ANO1: variants seen among roughly 807,000 people sequenced by gnomAD.
ANO1 encodes anoctamin-1.
In ANO1, 59 loss-of-function variants were observed where a neutral mutation model predicts 124.0. The ratio of observed to expected loss-of-function variants is 0.48; its 90% CI spans 0.39 to 0.59. The LOEUF (loss-of-function observed/expected upper bound fraction) is 0.59, where lower values mean the gene tolerates loss of function less well. Among genes scored for constraint, ANO1 ranks in the 20% least tolerant of loss-of-function variants. ANO1 has a pLI of 0.00. For missense variants in ANO1, 1,059 were observed against 1,328.0 expected, an observed-to-expected ratio of 0.80 and a Z score of 3.15; for synonymous variants, 529 against 532.0, an observed-to-expected ratio of 0.99 and a Z score of 0.08.
intron 1 of ANO1, among the ~76,000 whole-genome samples, chr11:70,009,472 G>A (rs1856551554): frequency 1.3e-5 from 2 of 152,202 alleles, no homozygotes. Context: ...CTGGACCTGA[G>A]TTCTCCATCC....
intron 1 of ANO1, among the ~76,000 whole-genome samples, chr11:70,038,026 C>A (rs1857122861): frequency 6.6e-6 from 1 of 152,108 alleles, no homozygotes; most frequent in African/African-American, 2.4e-5. Flanking sequence ...GTGGCTCATG[C>A]CTGTAATTCC....
At chr11:70,142,784 C>T (rs552101719) in intron 11 of ANO1, among the ~76,000 whole-genome samples, 2 of 152,320 alleles carry the variant, frequency 1.3e-5, no homozygotes, top group African/African-American at 2.4e-5. Flanking sequence ...ATTTGGCCCA[C>T]GCCTTGGCTT....
chr11:70,180,069 A>C lies in ANO1; in HGVS notation c.2403+13A>C. On this transcript the variant is annotated intron_variant, in intron 23 of 25. Transcript: ENST00000355303. ...TGTCATCATCAATGTAAGTGACATC[A>C]GGGACCTTGGCAGAATGGAAGTCCC... 1 of 1,610,660 alleles carries C rather than the reference A, an allele frequency of 6.2e-7. No homozygotes were observed. Among genetic ancestry groups the C allele is most frequent in the East Asian group, 2.2e-5 (1 of 44,850 alleles).
intron 1 of ANO1, among the ~76,000 whole-genome samples, chr11:70,072,136 G>A (rs1555009395): frequency 6.6e-6 from 1 of 152,188 alleles, no homozygotes; most frequent in Non-Finnish European, 1.5e-5. Flanking sequence ...GCCAAACCCA[G>A]AGGGCCTTGA....
intron 1 of ANO1, among the ~76,000 whole-genome samples, chr11:69,995,122 T>G (rs575592510): frequency 2.5e-4 from 37 of 148,724 alleles, no homozygotes; most frequent in African/African-American, 8.0e-4. Flanking sequence ...TTTTTTGAGA[T>G]GGAATCTTGC....
At chr11:70,183,345 G>C (rs1246497735) in intron 24 of ANO1, among the ~76,000 whole-genome samples, 1 of 152,224 alleles carries the variant, frequency 6.6e-6, no homozygotes, top group Non-Finnish European at 1.5e-5. Flanking sequence ...TGCAGCCCCT[G>C]TGGGAAGACC....
At chr11:70,028,837 A>G (rs1375215894) in intron 1 of ANO1, among the ~76,000 whole-genome samples, 2 of 152,108 alleles carry the variant, frequency 1.3e-5, no homozygotes, top group African/African-American at 4.8e-5. Context: ...GCTAGAGTGC[A>G]ATGGTACGAC....
intron 1 of ANO1, among the ~76,000 whole-genome samples, chr11:70,032,752 CT>C (rs2135034397): frequency 6.6e-6 from 1 of 152,152 alleles, no homozygotes; most frequent in South Asian, 2.1e-4. Flanking sequence ...GGAGAGCTGC[CT>C]TTTTTGTCTT....
intron 8 of ANO1, among the ~76,000 whole-genome samples, chr11:70,118,260 T>C (rs983967296): frequency 7.9e-5 from 12 of 151,944 alleles, no homozygotes; most frequent in Admixed American, 2.6e-4. Flanking sequence ...CAGGATTGCT[T>C]GGCTGATGGT....
intron 1 of ANO1, among the ~76,000 whole-genome samples, chr11:70,056,773 G>C (rs1325984582): frequency 6.7e-6 from 1 of 149,734 alleles, no homozygotes; most frequent in African/African-American, 2.5e-5. Flanking sequence ...ACTGCACATA[G>C]GTTAGGTATG....
chr11:70,016,449 G>A (rs1856705543), intron 1 of ANO1: 1 of 152,262 alleles, frequency 6.6e-6, no homozygotes, highest in Non-Finnish European at 1.5e-5. Flanking sequence ...ACCTGGATCT[G>A]GAAGTGAAGA....
chr11:70,182,611 T>C lies in ANO1; in HGVS notation c.2513T>C (p.Phe838Ser). The change falls in exon 24 of 26, where the codon TTC (phenylalanine) becomes TCC (serine). Residue 838 changes from phenylalanine to serine, a missense_variant. Transcript: ENST00000355303. Reference protein sequence around the residue: ...HGFVNHTLSSFNVSDFQNGTA... With the variant: ...HGFVNHTLSSSNVSDFQNGTA... ...TTCGTCAACCACACCCTCTCCTCCT[T>C]CAACGTCAGTGACTTCCAGAACGGC... is the stretch of plus-strand genomic sequence containing the variant. The C allele has an allele frequency of 1.2e-6, 2 of 1,613,660 alleles. No homozygotes were observed. The highest frequency in any genetic ancestry group is 1.7e-6 in the Non-Finnish European group (2 of 1,179,756).
At chr11:70,101,324 G>C (rs892736062) in intron 2 of ANO1, among the ~76,000 whole-genome samples, 1 of 151,466 alleles carries the variant, frequency 6.6e-6, no homozygotes, top group African/African-American at 2.4e-5. Flanking sequence ...GGGAGGCCGA[G>C]GCAGGCAGAT....
At chr11:70,161,438 G>C (rs2048040709) in intron 17 of ANO1, 76 bp downstream of exon 17, 1 of 1,528,892 alleles carries the variant, frequency 6.5e-7, no homozygotes, top group South Asian at 1.1e-5. Context: ...GTGCATCCTT[G>C]AGTTTGTTGC....
intron 24 of ANO1, among the ~76,000 whole-genome samples, chr11:70,184,377 G>A (rs1265674104): frequency 6.6e-6 from 1 of 152,172 alleles, no homozygotes; most frequent in Non-Finnish European, 1.5e-5. Context: ...GGTCATGAAT[G>A]GGGCAAGCCT....
At position 70,139,385 on chromosome 11, in the gene ANO1, G is replaced by A. The variant is rs186374917; in HGVS notation, c.1258+7306G>A. On this transcript the variant is annotated intron_variant, in intron 11 of 25. Coordinates refer to ENST00000355303, the MANE Select transcript of ANO1 (RefSeq NM_018043.7). ...GTTGTCCAGGCTGGAGTGCAGTGGC[G>A]CGATCTCAGCTCACTACATCCTCTG... is the stretch of plus-strand genomic sequence containing the variant. Among the ~76,000 whole-genome samples the A allele has an allele frequency of 7.5e-3, 1,130 of 151,194 alleles. 20 individuals carry two copies. The highest frequency in any genetic ancestry group is 0.026 in the African/African-American group (1,085 of 41,150).
intron 1 of ANO1, among the ~76,000 whole-genome samples, chr11:70,053,409 G>T (rs1857385144): frequency 6.6e-6 from 1 of 152,204 alleles, no homozygotes; most frequent in South Asian, 2.1e-4. Flanking sequence ...ATTTGTTGTA[G>T]GTTTAGTCAT....
At position 70,070,674 on chromosome 11, in the gene ANO1, T is replaced by C. The variant is rs1461122186; in HGVS notation, c.59-7868T>C. On this transcript the variant is annotated intron_variant, in intron 1 of 27. Coordinates refer to the ANO1 transcript ENST00000531349. ...CTGGGCGACAGAGTGAAACTCCAAG[T>C]GAATAAATGAATTGTGAGTGCATGG... is the stretch of plus-strand genomic sequence containing the variant. Among the ~76,000 whole-genome samples, 5 of 152,150 alleles carry C rather than the reference T, an allele frequency of 3.3e-5. No individual in the cohort carries two copies. The East Asian group carries it at 9.6e-4, about 29-fold the overall frequency.
chr11:70,057,141 G>T (rs1381962749), intron 1 of ANO1, among the ~76,000 whole-genome samples: 1 of 152,038 alleles, frequency 6.6e-6, no homozygotes, highest in African/African-American at 2.4e-5. Context: ...TTGTTTCTGT[G>T]GTTCTTAATC....
Sources: allele counts gnomAD v4.1 joint callset (sites outside exome capture counted in the v4.1 genomes callset), GRCh38; gene constraint gnomAD v4.1.1; transcripts MANE v1.5; gene names NCBI Gene and HGNC (gene_info 2026-07-23, HGNC 2026-07-21).